The following PRDM5 variants were observed in gnomAD, a reference collection of about 807,000 sequenced individuals.
The protein encoded by PRDM5 is PR domain zinc finger protein 5.
Under a neutral mutation model 81.2 loss-of-function variants are expected in PRDM5, and 56 were observed. The ratio of observed to expected loss-of-function variants is 0.69; its 90% CI spans 0.56 to 0.86. PRDM5 has a LOEUF of 0.86. Among genes scored for constraint, PRDM5 ranks in the 40% least tolerant of loss-of-function variants. The pLI is 0.00. For synonymous variants in PRDM5, 267 were observed against 256.4 expected (o/e 1.04, Z -0.39); for missense variants, 697 against 770.1 (o/e 0.91, Z 1.12).
At chr4:120,721,755 C>T (rs888597500) in intron 14 of PRDM5, among the ~76,000 whole-genome samples, 2 of 152,180 alleles carry the variant, frequency 1.3e-5, no homozygotes, top group African/African-American at 2.4e-5. Flanking sequence ...AAGGATAGGT[C>T]GAGGTAAACA....
chr4:120,740,095 A>G (rs1012880862), intron 14 of PRDM5, among the ~76,000 whole-genome samples: 30 of 152,208 alleles, frequency 2.0e-4, no homozygotes, highest in African/African-American at 6.5e-4. Context: ...CAAATAAAAT[A>G]CAACGGTATT....
intron 10 of PRDM5, among the ~76,000 whole-genome samples, chr4:120,785,683 C>T (rs1233787038): frequency 6.6e-6 from 1 of 152,108 alleles, no homozygotes. Context: ...TTACATAAAT[C>T]ATTTCACTTA....
chr4:120,922,621 G>C lies in PRDM5; in HGVS notation c.-13C>G. 2 of 1,572,280 alleles carry C rather than the reference G, an allele frequency of 1.3e-6. No homozygotes were observed. Among genetic ancestry groups the C allele is most frequent in the East Asian group, 2.4e-5 (1 of 42,148 alleles). On this transcript the variant is annotated 5_prime_UTR_variant, in exon 1 of 16. Transcript: ENST00000264808. ...ACATGCCCAGCATTTTCCCGGGCGC[G>C]GCGGCCGCCGCCTCTCTCAACACCG...
chr4:120,766,469 C>G (rs1039244710), intron 13 of PRDM5, among the ~76,000 whole-genome samples: 1 of 152,108 alleles, frequency 6.6e-6, no homozygotes, highest in Non-Finnish European at 1.5e-5. Flanking sequence ...TTCTCCATAG[C>G]TGGAGTTAAG....
intron 2 of PRDM5, among the ~76,000 whole-genome samples, chr4:120,875,134 G>C (rs1762214002): frequency 6.6e-6 from 1 of 152,202 alleles, no homozygotes; most frequent in Non-Finnish European, 1.5e-5. Flanking sequence ...TATTTAAAGA[G>C]AGTTTCCTGG....
At chr4:120,865,572 C>T (rs554167078) in intron 2 of PRDM5, among the ~76,000 whole-genome samples, 10 of 152,296 alleles carry the variant, frequency 6.6e-5, no homozygotes, top group African/African-American at 2.4e-4. Context: ...TCTTCAATCC[C>T]GACATTTTGG....
At chr4:120,824,730 C>A (rs886867527) in intron 3 of PRDM5, among the ~76,000 whole-genome samples, 1 of 151,894 alleles carries the variant, frequency 6.6e-6, no homozygotes, top group Non-Finnish European at 1.5e-5. Context: ...GTCACCATAG[C>A]CTACTGGCCC....
chr4:120,769,220 G>C (rs1434560568), intron 13 of PRDM5, among the ~76,000 whole-genome samples: 2 of 152,154 alleles, frequency 1.3e-5, no homozygotes, highest in African/African-American at 4.8e-5. Context: ...TTCTAAGCCA[G>C]GCAGTGTGCT....
chr4:120,780,673 T>C (rs1005441857), intron 12 of PRDM5, among the ~76,000 whole-genome samples: 3 of 152,116 alleles, frequency 2.0e-5, no homozygotes, highest in Non-Finnish European at 4.4e-5. Flanking sequence ...CCCCATTCTG[T>C]ACCAGAAACT....
At chr4:120,714,817 T>C (rs1027131013) in intron 14 of PRDM5, among the ~76,000 whole-genome samples, 1 of 152,138 alleles carries the variant, frequency 6.6e-6, no homozygotes, top group Non-Finnish European at 1.5e-5. Flanking sequence ...CACTCTGGGA[T>C]GCTATCAATC....
intron 1 of PRDM5, among the ~76,000 whole-genome samples, chr4:120,913,518 G>T (rs1164208305): frequency 6.6e-6 from 1 of 152,212 alleles, no homozygotes; most frequent in Non-Finnish European, 1.5e-5. Flanking sequence ...TTTATGAAAT[G>T]CATCACTTAT....
chr4:120,781,393 A>C (rs1749014565), intron 11 of PRDM5, 90 bp from the exon 12 acceptor site: 4 of 1,213,778 alleles, frequency 3.3e-6, no homozygotes, highest in Non-Finnish European at 4.8e-6. Context: ...TTTCTCCAAA[A>C]TGTTGGCTTT....
At chr4:120,908,066 A>G (rs1766036977) in intron 1 of PRDM5, among the ~76,000 whole-genome samples, 2 of 152,250 alleles carry the variant, frequency 1.3e-5, no homozygotes, top group Non-Finnish European at 2.9e-5. Flanking sequence ...GCAAATGGGC[A>G]CACTTTAAAC....
chr4:120,761,432 T>G (rs1425505511), intron 13 of PRDM5, among the ~76,000 whole-genome samples: 1 of 152,212 alleles, frequency 6.6e-6, no homozygotes, highest in African/African-American at 2.4e-5. Context: ...ATATATGCCT[T>G]TCAGATTAAA....
downstream of PRDM5, among the ~76,000 whole-genome samples, chr4:120,690,552 G>GA (rs1560860675): frequency 1.3e-5 from 2 of 151,810 alleles, no homozygotes; most frequent in African/African-American, 4.8e-5. Flanking sequence ...GTAGAAAAAT[G>GA]AAAAAAGATA....
intron 8 of PRDM5, among the ~76,000 whole-genome samples, chr4:120,802,805 C>T (rs975996348): frequency 3.4e-4 from 52 of 152,164 alleles, no homozygotes; most frequent in Non-Finnish European, 1.6e-4. Context: ...AGCGCTTCTC[C>T]CCCTCCAAAG....
rs890431691 is a variant in PRDM5 at position 120,846,468 on chromosome 4, T to C, written c.300+6950A>G. Among the ~76,000 whole-genome samples the C allele has an allele frequency of 3.8e-4, 58 of 152,210 alleles. 1 individual carries two copies. The highest frequency in any genetic ancestry group is 3.1e-4 in the Non-Finnish European group (21 of 68,042). On this transcript the variant is annotated intron_variant, in intron 3 of 15. Coordinates refer to ENST00000264808, the MANE Select transcript of PRDM5 (RefSeq NM_018699.4). ...GATTCTAACTCATTGAAGGCTCAGA[T>C]AATCATTAACACATTTTAGCAATAA...
chr4:120,774,149 G>C (rs533686933), intron 13 of PRDM5, among the ~76,000 whole-genome samples: 1 of 152,260 alleles, frequency 6.6e-6, no homozygotes, highest in Admixed American at 6.5e-5. Flanking sequence ...GAGTGATGAG[G>C]CCACAACATG....
At chr4:120,761,952 C>A (rs530172482) in intron 13 of PRDM5, among the ~76,000 whole-genome samples, 168 of 151,960 alleles carry the variant, frequency 1.1e-3, no homozygotes, top group Non-Finnish European at 2.1e-3. Flanking sequence ...GTATATATTA[C>A]CACAATTTTT....
Sources: gnomAD v4.1 joint callset for allele counts (sites outside exome capture counted in the v4.1 genomes callset) on GRCh38, gnomAD v4.1.1 for gene constraint, MANE v1.5 for transcripts, NCBI Gene and HGNC (gene_info 2026-07-23, HGNC 2026-07-21) for gene names.